The following PCSK5 variants were observed in gnomAD, a reference collection of about 807,000 sequenced individuals.
PCSK5 encodes the protein proprotein convertase subtilisin/kexin type 5, also known as prohormone convertase 5.
A neutral mutation model predicts 233.2 loss-of-function variants in PCSK5; 129 were observed. The ratio of observed to expected loss-of-function variants is 0.55; its 90% CI spans 0.48 to 0.64. PCSK5 has a LOEUF of 0.64. Ranked by LOEUF, PCSK5 falls within the 30% of genes least tolerant of loss-of-function variation. PCSK5 has a pLI of 0.00. For synonymous variants in PCSK5, 825 were observed against 879.2 expected (o/e 0.94, Z 1.09); for missense variants, 2,076 against 2,430.1 (o/e 0.85, Z 3.06).
intron 24 of PCSK5, among the ~76,000 whole-genome samples, chr9:76,245,978 G>A (rs572518518): frequency 3.6e-4 from 55 of 152,190 alleles, no homozygotes; most frequent in African/African-American, 1.3e-3. Context: ...AAAATCACAT[G>A]AAACAAATGG....
intron 7 of PCSK5, among the ~76,000 whole-genome samples, chr9:76,082,438 G>T (rs180852475): frequency 1.3e-5 from 2 of 152,148 alleles, no homozygotes; most frequent in African/African-American, 4.8e-5. Context: ...TTGATTCTTT[G>T]TTCATTCATT....
intron 5 of PCSK5, among the ~76,000 whole-genome samples, chr9:76,034,663 C>T (rs938272242): frequency 4.6e-5 from 7 of 152,120 alleles, no homozygotes; most frequent in Non-Finnish European, 1.0e-4. Flanking sequence ...ATGGTATGAG[C>T]TGGTTATCCC....
intron 7 of PCSK5, among the ~76,000 whole-genome samples, chr9:76,073,124 G>A (rs1047133415): frequency 3.9e-5 from 6 of 152,184 alleles, no homozygotes; most frequent in Admixed American, 1.3e-4. Context: ...CAAATGATGC[G>A]AACCACAGGG....
intron 9 of PCSK5, among the ~76,000 whole-genome samples, chr9:76,126,925 C>T (rs1193468423): frequency 6.6e-6 from 1 of 152,078 alleles, no homozygotes; most frequent in Non-Finnish European, 1.5e-5. Flanking sequence ...ACTTGTACCC[C>T]ATAAGTTTAT....
At chr9:76,143,059 C>T (rs10869708) in intron 10 of PCSK5, among the ~76,000 whole-genome samples, 82,314 of 152,004 alleles carry the variant, frequency 0.54, 23,162 homozygotes, top group East Asian at 0.94. Flanking sequence ...AAATAAAGCA[C>T]AAATAAGTAC....
intron 2 of PCSK5, among the ~76,000 whole-genome samples, chr9:75,963,418 C>T (rs980187497): frequency 1.3e-5 from 2 of 152,200 alleles, no homozygotes; most frequent in African/African-American, 4.8e-5. Context: ...TATAGAGCGG[C>T]ATCTTCACCT....
intron 36 of PCSK5, among the ~76,000 whole-genome samples, chr9:76,352,169 G>A (rs528801391): frequency 4.5e-4 from 69 of 152,268 alleles, no homozygotes; most frequent in African/African-American, 1.3e-3. Flanking sequence ...TTAATGATAC[G>A]CTAAACAAAG....
chr9:76,133,185 T>A (rs1429591064), intron 9 of PCSK5, among the ~76,000 whole-genome samples: 12 of 152,078 alleles, frequency 7.9e-5, no homozygotes, highest in Admixed American at 7.9e-4. Flanking sequence ...TGGCTGCACA[T>A]GCTGCATGAA....
intron 5 of PCSK5, among the ~76,000 whole-genome samples, chr9:76,046,559 C>CTTTTTTTTTTTTTTTTTTT (rs553542037): frequency 2.3e-4 from 24 of 104,796 alleles, no homozygotes; most frequent in Non-Finnish European, 3.5e-4. Flanking sequence ...CTTTCTTTTT[C>CTTTTTTTTTTTTTTTTTTT]TTTTTTTTTT....
At chr9:75,911,743 G>A (rs1822748946) in intron 1 of PCSK5, among the ~76,000 whole-genome samples, 1 of 152,076 alleles carries the variant, frequency 6.6e-6, no homozygotes, top group Admixed American at 6.6e-5. Context: ...TATGGAGAGT[G>A]GTGGGGGACC....
At chr9:76,243,667 G>C (rs9886869) in intron 24 of PCSK5, among the ~76,000 whole-genome samples, 62,386 of 151,872 alleles carry the variant, frequency 0.41, 13,112 homozygotes, top group African/African-American at 0.46. Context: ...TGTAATATTT[G>C]CTATGTATAC....
chr9:76,335,565 G>C (rs545954571), intron 34 of PCSK5, among the ~76,000 whole-genome samples: 1 of 152,164 alleles, frequency 6.6e-6, no homozygotes, highest in African/African-American at 2.4e-5. Context: ...GCTCTTCAAG[G>C]CTGGGAGGCT....
chr9:75,999,537 CT>C (rs1164670648), intron 3 of PCSK5, among the ~76,000 whole-genome samples: 1 of 152,230 alleles, frequency 6.6e-6, no homozygotes, highest in Non-Finnish European at 1.5e-5. Flanking sequence ...ATAGGTTGGG[CT>C]AGTTAATTGC....
chr9:76,009,160 T>C (rs1049290955), intron 3 of PCSK5, among the ~76,000 whole-genome samples: 1 of 152,180 alleles, frequency 6.6e-6, no homozygotes, highest in African/African-American at 2.4e-5. Flanking sequence ...AAAATATTTG[T>C]TGAATTAAAG....
chr9:76,092,982 T>C (rs1179604720), intron 7 of PCSK5, among the ~76,000 whole-genome samples: 2 of 151,976 alleles, frequency 1.3e-5, no homozygotes, highest in Admixed American at 6.6e-5. Flanking sequence ...TTTTCTGATC[T>C]TACCATACAA....
At chr9:76,277,309 G>A (rs1171599771) in intron 24 of PCSK5, among the ~76,000 whole-genome samples, 1 of 152,104 alleles carries the variant, frequency 6.6e-6, no homozygotes, top group Non-Finnish European at 1.5e-5. Flanking sequence ...AAATGAATAC[G>A]TGAATGAATG....
intron 20 of PCSK5, among the ~76,000 whole-genome samples, chr9:76,214,510 C>G (rs904771154): frequency 1.3e-5 from 2 of 152,236 alleles, no homozygotes; most frequent in Admixed American, 6.5e-5. Context: ...CTGGCAACAG[C>G]TAGGTGACCT....
intron 10 of PCSK5, among the ~76,000 whole-genome samples, chr9:76,154,782 A>G (rs184794165): frequency 6.6e-6 from 1 of 152,296 alleles, no homozygotes; most frequent in Admixed American, 6.5e-5. Flanking sequence ...CCTGGTATAT[A>G]GGCTATGGTT....
intron 20 of PCSK5, among the ~76,000 whole-genome samples, chr9:76,221,043 A>C (rs2131300895): frequency 6.6e-6 from 1 of 152,370 alleles, no homozygotes. Context: ...AACCAAGTTA[A>C]TTCATTCAAA....
Sources: gnomAD v4.1 joint callset for allele counts (sites outside exome capture counted in the v4.1 genomes callset) on GRCh38, gnomAD v4.1.1 for gene constraint, MANE v1.5 for transcripts, NCBI Gene and HGNC (gene_info 2026-07-23, HGNC 2026-07-21) for gene names.